The following CCDC85A variants were observed in gnomAD, a reference collection of about 807,000 sequenced individuals.
CCDC85A encodes coiled-coil domain-containing protein 85A.
A neutral mutation model predicts 50.2 loss-of-function variants in CCDC85A; 38 were observed. The observed-to-expected ratio is 0.76, with a 90% CI of 0.58 to 0.99. The LOEUF (loss-of-function observed/expected upper bound fraction) is 0.99, where lower values mean the gene tolerates loss of function less well. Ranked by LOEUF, CCDC85A falls within the 50% of genes least tolerant of loss-of-function variation. The pLI, the probability that CCDC85A is intolerant of heterozygous loss-of-function variation, is 0.00. For missense variants in CCDC85A, 820 were observed against 742.0 expected (o/e 1.11, Z -1.22); for synonymous variants, 366 against 301.4 (o/e 1.21, Z -2.22).
At chr2:56,217,564 G>A (rs868707973) in intron 2 of CCDC85A, among the ~76,000 whole-genome samples, 1 of 151,848 alleles carries the variant, frequency 6.6e-6, no homozygotes, top group African/African-American at 2.4e-5. Flanking sequence ...GACAAAATAA[G>A]TAGACAATTG....
rs537259552 is a variant in CCDC85A at position 56,271,830 on chromosome 2, T to C, written c.1241-71049T>C. On this transcript the variant is annotated intron_variant, in intron 2 of 5. Transcript: ENST00000407595. The stretch of plus-strand genomic sequence containing the variant: ...TCAGAGGCAGAAATATATCAGAACT[T>C]GGCTAGTCGTATCAGTAGCTTTCTG... Among the ~76,000 whole-genome samples, 142 of 152,236 alleles carry C rather than the reference T, an allele frequency of 9.3e-4. 2 individuals are homozygous for C. The highest frequency in any genetic ancestry group is 3.4e-3 in the African/African-American group (140 of 41,528).
At position 56,323,985 on chromosome 2, in the gene CCDC85A, G is replaced by A. The variant is rs139435084; in HGVS notation, c.1241-18894G>A. ...TGGTCGTTTATGGAAAGATATATACGTTTATAAATTGTAGGAGGTGTCCAT... is the reference window on the plus strand; with the variant it reads ...TGGTCGTTTATGGAAAGATATATACATTTATAAATTGTAGGAGGTGTCCAT... On this transcript the variant is annotated intron_variant, in intron 2 of 5. Coordinates refer to ENST00000407595, the MANE Select transcript of CCDC85A (RefSeq NM_001080433.2). Among the ~76,000 whole-genome samples the A allele has an allele frequency of 5.5e-3, 830 of 152,184 alleles. 4 individuals carry two copies. Among genetic ancestry groups the A allele is most frequent in the South Asian group, 8.7e-3 (42 of 4,824 alleles).
chr2:56,273,276 T>C (rs1670776840), intron 2 of CCDC85A, among the ~76,000 whole-genome samples: 1 of 152,094 alleles, frequency 6.6e-6, no homozygotes, highest in Non-Finnish European at 1.5e-5. Flanking sequence ...GAAATTAACA[T>C]AGAAATAATA....
chr2:56,234,798 C>A (rs1429085243), intron 2 of CCDC85A, among the ~76,000 whole-genome samples: 1 of 152,090 alleles, frequency 6.6e-6, no homozygotes, highest in Non-Finnish European at 1.5e-5. Flanking sequence ...ACATTCTTTT[C>A]TTGTCCTGCC....
Position 56,184,172 on chromosome 2 carries a change from G to A in CCDC85A, c.-453G>A. ...CCAAGCTAGGAGAGGGGAGAAGCCG[G>A]GGGCTGCAGCTGGGCAAGGGGGAGG... On this transcript the variant is annotated 5_prime_UTR_variant, in exon 1 of 6. Transcript: ENST00000407595. 1.0e-6 allele frequency: 1 copy of A among 987,118 alleles called. No individual in the cohort carries two copies. The highest frequency in any genetic ancestry group is 1.2e-6 in the Non-Finnish European group (1 of 831,290). The allele number at this position is 987,118 out of a possible 1,614,324, so 61.1% of individuals were successfully genotyped here. A position where few individuals can be genotyped will look rare whatever the true frequency, so the allele number is the denominator to read the frequency against.
rs185563844 is a variant in CCDC85A at position 56,201,944 on chromosome 2, G to A, written c.1240+8504G>A. Among the ~76,000 whole-genome samples, 7 of 152,212 alleles carry A rather than the reference G, an allele frequency of 4.6e-5. No individual in the cohort carries two copies. The East Asian group carries it at 1.4e-3, about 29-fold the overall frequency. ...AAAGAAGGTTAGTGAATTGTCCAAG[G>A]CCAGATGTCAGCTAGTAGAGGACTA... On this transcript the variant is annotated intron_variant, in intron 2 of 5. Coordinates refer to ENST00000407595, the MANE Select transcript of CCDC85A (RefSeq NM_001080433.2).
chr2:56,357,377 G>A (rs181082739), intron 3 of CCDC85A, among the ~76,000 whole-genome samples: 1 of 152,274 alleles, frequency 6.6e-6, no homozygotes, highest in East Asian at 1.9e-4. Context: ...CTAGATAGAA[G>A]TATTTTGGGG....
chr2:56,351,574 G>A (rs1397380044), intron 3 of CCDC85A, among the ~76,000 whole-genome samples: 1 of 142,316 alleles, frequency 7.0e-6, no homozygotes, highest in Non-Finnish European at 1.5e-5. Context: ...TCTCATTGTG[G>A]TTTTGATTTG....
intron 4 of CCDC85A, among the ~76,000 whole-genome samples, chr2:56,375,540 A>C (rs1558665640): frequency 6.6e-6 from 1 of 152,158 alleles, no homozygotes; most frequent in Non-Finnish European, 1.5e-5. Flanking sequence ...AGTTTCAAAA[A>C]TCATTCTTGA....
intron 2 of CCDC85A, among the ~76,000 whole-genome samples, chr2:56,246,845 T>G (rs1014071135): frequency 6.6e-6 from 1 of 150,888 alleles, no homozygotes; most frequent in Non-Finnish European, 1.5e-5. Flanking sequence ...GTTTCTACCC[T>G]GTTTCAGAGG....
At chr2:56,187,077 C>T (rs979813463) in intron 1 of CCDC85A, among the ~76,000 whole-genome samples, 2 of 152,188 alleles carry the variant, frequency 1.3e-5, no homozygotes, top group Non-Finnish European at 2.9e-5. Flanking sequence ...TCTCCCTTCT[C>T]TTTTTTATTT....
At chr2:56,269,334 G>GGTGTGTGTGTGTGTGTGTGT (rs70955014) in intron 2 of CCDC85A, among the ~76,000 whole-genome samples, 9 of 149,196 alleles carry the variant, frequency 6.0e-5, no homozygotes, top group Non-Finnish European at 1.3e-4. Flanking sequence ...CCTTGGCAAG[G>GGTGTGTGTGTGTGTGTGTGT]GTGTGTGTGT....
chr2:56,348,107 A>G (rs905781983), intron 3 of CCDC85A, among the ~76,000 whole-genome samples: 2 of 152,220 alleles, frequency 1.3e-5, no homozygotes, highest in Non-Finnish European at 2.9e-5. Context: ...AAGAGACTCG[A>G]CTAGAGACAT....
intron 3 of CCDC85A, among the ~76,000 whole-genome samples, chr2:56,362,978 T>A (rs1675608802): frequency 6.6e-6 from 1 of 152,172 alleles, no homozygotes; most frequent in Admixed American, 6.5e-5. Context: ...CTTACTTCAA[T>A]GGACTGACTT....
chr2:56,285,508 G>T (rs1207245735), intron 2 of CCDC85A, among the ~76,000 whole-genome samples: 3 of 141,240 alleles, frequency 2.1e-5, no homozygotes, highest in Non-Finnish European at 3.1e-5. Flanking sequence ...TATTATTATA[G>T]TATATTATAT....
At chr2:56,196,004 G>A (rs910003638) in intron 2 of CCDC85A, among the ~76,000 whole-genome samples, 5 of 152,050 alleles carry the variant, frequency 3.3e-5, no homozygotes, top group East Asian at 1.9e-4. Flanking sequence ...GACTGTTTTC[G>A]TTGACTGTGC....
At chr2:56,240,978 C>A (rs1228331365) in intron 2 of CCDC85A, among the ~76,000 whole-genome samples, 1 of 152,162 alleles carries the variant, frequency 6.6e-6, no homozygotes, top group Non-Finnish European at 1.5e-5. Flanking sequence ...CACCATTTTA[C>A]ATTCCTACCA....
chr2:56,376,265 G>A (rs1457975415), intron 5 of CCDC85A, among the ~76,000 whole-genome samples: 1 of 152,128 alleles, frequency 6.6e-6, no homozygotes, highest in Non-Finnish European at 1.5e-5. Flanking sequence ...AATGTTTGTA[G>A]CGTGGATGTC....
At chr2:56,263,113 G>A (rs553380440) in intron 2 of CCDC85A, among the ~76,000 whole-genome samples, 3 of 152,262 alleles carry the variant, frequency 2.0e-5, no homozygotes, top group South Asian at 2.1e-4. Context: ...TGTGTAAAAC[G>A]TGACCTTTCT....
Sources: allele counts gnomAD v4.1 joint callset (sites outside exome capture counted in the v4.1 genomes callset), GRCh38; gene constraint gnomAD v4.1.1; transcripts MANE v1.5; gene names NCBI Gene and HGNC (gene_info 2026-07-23, HGNC 2026-07-21).